KIAA1549: variants seen among roughly 807,000 people sequenced by gnomAD.
KIAA1549 encodes the protein KIAA1549.
A neutral mutation model predicts 156.4 loss-of-function variants in KIAA1549; 70 were observed. The observed-to-expected ratio is 0.45, with a 90% CI of 0.37 to 0.55. The LOEUF is 0.55. Ranked by LOEUF, KIAA1549 falls within the 20% of genes least tolerant of loss-of-function variation. The pLI is 0.00. For missense variants in KIAA1549, 2,428 were observed against 2,540.9 expected, an observed-to-expected ratio of 0.96 and a Z score of 0.96; for synonymous variants, 1,103 against 1,066.4, an observed-to-expected ratio of 1.03 and a Z score of -0.67.
At chr7:138,906,102 G>A (rs1296358937) in intron 6 of KIAA1549, among the ~76,000 whole-genome samples, 2 of 152,118 alleles carry the variant, frequency 1.3e-5, no homozygotes, top group Non-Finnish European at 2.9e-5. Flanking sequence ...AGGCACGGTG[G>A]GTGAGCAGGG....
At chr7:138,878,192 A>G (rs1279832489) in intron 12 of KIAA1549, among the ~76,000 whole-genome samples, 6 of 152,240 alleles carry the variant, frequency 3.9e-5, no homozygotes, top group Non-Finnish European at 7.3e-5. Flanking sequence ...AAGGAACTTC[A>G]AGGACCAGCT....
intron 5 of KIAA1549, among the ~76,000 whole-genome samples, chr7:138,908,004 A>T (rs1812058494): frequency 6.6e-6 from 1 of 152,170 alleles, no homozygotes; most frequent in Non-Finnish European, 1.5e-5. Flanking sequence ...AGAGAAGCCC[A>T]CGCTGACATA....
intron 1 of KIAA1549, among the ~76,000 whole-genome samples, chr7:138,922,138 T>C (rs1812581882): frequency 6.6e-6 from 1 of 152,194 alleles, no homozygotes; most frequent in South Asian, 2.1e-4. Context: ...AAGGGAAAAG[T>C]ATATGTCTCA....
intron 14 of KIAA1549, among the ~76,000 whole-genome samples, chr7:138,868,700 T>A (rs574504738): frequency 1.3e-5 from 2 of 152,286 alleles, no homozygotes; most frequent in East Asian, 3.9e-4. Flanking sequence ...CCCAAAGTGC[T>A]GGAATTATAG....
At position 138,833,797 on chromosome 7, in the gene KIAA1549, C is replaced by T. The variant is rs114523092; in HGVS notation, c.*4109G>A. 1,798 of 233,244 alleles carry T rather than the reference C, an allele frequency of 7.7e-3. 39 individuals carry two copies. The highest frequency in any genetic ancestry group is 0.037 in the African/African-American group (1,675 of 45,432). 14.4% of individuals were successfully genotyped at this position (233,244 alleles called of 1,614,324 possible). On this transcript the variant is annotated 3_prime_UTR_variant, in exon 20 of 20. Coordinates refer to ENST00000422774, the MANE Select transcript of KIAA1549 (RefSeq NM_001164665.2). ...CATTCTCATCATTTTCGTCCTCTTC[C>T]CTTGCCTCCCCCACACTGGAGTACT...
intron 1 of KIAA1549, among the ~76,000 whole-genome samples, chr7:138,950,333 G>T (rs924777451): frequency 6.6e-6 from 1 of 151,994 alleles, no homozygotes; most frequent in Non-Finnish European, 1.5e-5. Flanking sequence ...CTAACAGATC[G>T]CCCTAACAAA....
rs180818349 is a variant in KIAA1549, at chr7:138,979,644, A to T, written c.187+1439T>A. On this transcript the variant is annotated intron_variant, in intron 1 of 19. Coordinates refer to ENST00000422774, the MANE Select transcript of KIAA1549 (RefSeq NM_001164665.2). ...TCTCTTTGTTGACTAAAGCCAAGAG[A>T]CCCTTGACAATGATCTCTTCTCCTC... Among the ~76,000 whole-genome samples the T allele has an allele frequency of 5.2e-3, 795 of 152,252 alleles. 6 individuals carry two copies. The highest frequency in any genetic ancestry group is 9.8e-3 in the Non-Finnish European group (666 of 68,018).
chr7:138,879,891 T>C (rs1811195239), intron 11 of KIAA1549, among the ~76,000 whole-genome samples: 1 of 152,174 alleles, frequency 6.6e-6, no homozygotes, highest in South Asian at 2.1e-4. Context: ...CAACAAATGC[T>C]AGACAATTAA....
chr7:138,963,532 G>GGATT (rs1300260378), intron 1 of KIAA1549, among the ~76,000 whole-genome samples: 2 of 152,190 alleles, frequency 1.3e-5, no homozygotes, highest in Non-Finnish European at 2.9e-5. Flanking sequence ...TGCAGGTTCA[G>GGATT]GATTTCTGGG....
intron 10 of KIAA1549, among the ~76,000 whole-genome samples, chr7:138,890,642 G>C (rs1342878265): frequency 6.6e-6 from 1 of 152,222 alleles, no homozygotes; most frequent in African/African-American, 2.4e-5. Flanking sequence ...CCACCTACAC[G>C]TTAGGTGTGA....
intron 1 of KIAA1549, among the ~76,000 whole-genome samples, chr7:138,963,083 C>T (rs1486532306): frequency 6.6e-6 from 1 of 152,230 alleles, no homozygotes; most frequent in African/African-American, 2.4e-5. Context: ...ACATCCAGCA[C>T]GGTGCTCAGC....
chr7:138,965,349 C>T (rs1401825623), intron 1 of KIAA1549, among the ~76,000 whole-genome samples: 2 of 152,080 alleles, frequency 1.3e-5, no homozygotes, highest in Non-Finnish European at 2.9e-5. Flanking sequence ...TGCCACGATG[C>T]CTGACTAATT....
rs545728845 is a variant in KIAA1549, at chr7:138,874,106, A to C, written c.4346-2744T>G. Among the ~76,000 whole-genome samples, 30 of 148,392 alleles carry C rather than the reference A, an allele frequency of 2.0e-4. No homozygotes were observed. The East Asian group carries it at 4.9e-3, about 24-fold the overall frequency. On this transcript the variant is annotated intron_variant, in intron 12 of 19. Transcript: ENST00000422774. ...CATATATTAATAAATATAATTATAT[A>C]ATATATATTATTGTTTGCTATGCAT... is the stretch of plus-strand genomic sequence containing the variant.
Position 138,834,056 on chromosome 7 carries a change from C to A in KIAA1549, c.*3850G>T, listed in dbSNP as rs1242781159. On this transcript the variant is annotated 3_prime_UTR_variant, in exon 20 of 20. Coordinates refer to ENST00000422774, the MANE Select transcript of KIAA1549 (RefSeq NM_001164665.2). ...CCTTCCACGCCATTTGCCTGGGTAG[C>A]TGCCCTGCCTTCAAAGTCACTTCAG... is the stretch of plus-strand genomic sequence containing the variant. 1.3e-5 allele frequency: 3 copies of A among 229,262 alleles called. No individual in the cohort carries two copies. The highest frequency in any genetic ancestry group is 1.2e-4 in the East Asian group (2 of 16,136). The allele number at this position is 229,262 out of a possible 1,614,324, so 14.2% of individuals were successfully genotyped here.
intron 4 of KIAA1549, 32 bp downstream of exon 4, chr7:138,911,114 C>A: frequency 2.9e-6 from 4 of 1,371,820 alleles, no homozygotes; most frequent in Non-Finnish European, 3.9e-6. Context: ...ATTCTTTTTA[C>A]AAATAAAAAC....
At chr7:138,929,684 T>C (rs113266630) in intron 1 of KIAA1549, among the ~76,000 whole-genome samples, 2 of 152,170 alleles carry the variant, frequency 1.3e-5, no homozygotes, top group African/African-American at 2.4e-5. Flanking sequence ...ATTTCTTTTA[T>C]CTTTTTGTTT....
chr7:138,901,965 T>TTA (rs1296227143), intron 8 of KIAA1549, among the ~76,000 whole-genome samples: 1 of 72,364 alleles, frequency 1.4e-5, no homozygotes, highest in East Asian at 1.0e-3. Context: ...TAGCACTGTA[T>TTA]TATACTTTCA....
At chr7:138,884,003 T>C (rs998122977) in intron 10 of KIAA1549, among the ~76,000 whole-genome samples, 2 of 152,134 alleles carry the variant, frequency 1.3e-5, no homozygotes, top group African/African-American at 2.4e-5. Flanking sequence ...CCAGGCATGA[T>C]ACAAGGGTCA....
chr7:138,852,173 A>G, intron 17 of KIAA1549, 50 bp downstream of exon 17: 1 of 1,377,436 alleles, frequency 7.3e-7, no homozygotes, highest in Non-Finnish European at 1.0e-6. Context: ...AAGTTTTTAA[A>G]AACAGCCTAT....
Sources: allele counts gnomAD v4.1 joint callset (sites outside exome capture counted in the v4.1 genomes callset), GRCh38; gene constraint gnomAD v4.1.1; transcripts MANE v1.5; gene names NCBI Gene and HGNC (gene_info 2026-07-23, HGNC 2026-07-21).